Variants in GTF2H5 observed in about 807,000 individuals in gnomAD.
GTF2H5 encodes TFB5 ortholog.
In GTF2H5, 5 loss-of-function variants were observed where a neutral mutation model predicts 7.1. The ratio of observed to expected loss-of-function variants is 0.71; its 90% CI spans 0.37 to 1.49. The LOEUF (loss-of-function observed/expected upper bound fraction) is 1.49. Among genes scored for constraint, GTF2H5 ranks in the 40% most tolerant of loss-of-function variants. GTF2H5 has a pLI of 0.03. For synonymous variants in GTF2H5, 30 were observed against 31.7 expected (o/e 0.95, Z 0.18); for missense variants, 80 against 83.0 (o/e 0.96, Z 0.14).
In GTF2H5 at chr6:158,188,757, C is replaced by G. The variant is rs79868912; in HGVS notation, c.36-3220C>G. Among the ~76,000 whole-genome samples, 1,156 of 152,282 alleles carry G rather than the reference C, an allele frequency of 7.6e-3. 16 individuals carry two copies. The highest frequency in any genetic ancestry group is 0.026 in the African/African-American group (1,087 of 41,556). On this transcript the variant is annotated intron_variant, in intron 2 of 2. Coordinates refer to ENST00000607778, the MANE Select transcript of GTF2H5 (RefSeq NM_207118.3). ...GTTTGTAAAATACCCCATTCATCCT[C>G]CTGTCACCAGCTGTTGTTGCCATTC...
At chr6:158,175,445 C>T (rs114558306) in intron 2 of GTF2H5, among the ~76,000 whole-genome samples, 410 of 152,298 alleles carry the variant, frequency 2.7e-3, no homozygotes, top group African/African-American at 9.3e-3. Context: ...TCCTTTAACA[C>T]AATAACTCCG....
At chr6:158,169,765 T>A (rs1583626157) in intron 1 of GTF2H5, among the ~76,000 whole-genome samples, 3 of 84,488 alleles carry the variant, frequency 3.6e-5, no homozygotes, top group African/African-American at 1.3e-4. Flanking sequence ...TATTGTATAT[T>A]ATATATAATA....
At chr6:158,169,570 T>TTGTATATTACATATAA (rs1562468670) in intron 1 of GTF2H5, among the ~76,000 whole-genome samples, 2,416 of 62,266 alleles carry the variant, frequency 0.039, 455 homozygotes, top group African/African-American at 0.075. Context: ...ATATAATATA[T>TTGTATATTACATATAA]TGTATATTAT....
intron 2 of GTF2H5, among the ~76,000 whole-genome samples, chr6:158,190,454 A>G (rs543086866): frequency 7.4e-4 from 112 of 152,178 alleles, no homozygotes; most frequent in African/African-American, 2.6e-3. Context: ...ATGTCACCTC[A>G]TGGGTCCCCT....
At chr6:158,172,920 G>C (rs1217744095) in intron 2 of GTF2H5, among the ~76,000 whole-genome samples, 1 of 152,190 alleles carries the variant, frequency 6.6e-6, no homozygotes, top group East Asian at 1.9e-4. Context: ...TGAAGTCTCA[G>C]TGCCCGGTTT....
chr6:158,192,298 G>C lies in GTF2H5; in HGVS notation c.*141G>C. On this transcript the variant is annotated 3_prime_UTR_variant, in exon 3 of 3. Coordinates refer to ENST00000607778, the MANE Select transcript of GTF2H5 (RefSeq NM_207118.3). ...AAAGACTGAGGGATCATGATCATTT[G>C]TTCAGAAAAAAAGCCCCTGAACTGA... The C allele has an allele frequency of 1.5e-6, 1 of 654,304 alleles. No homozygotes were observed. The highest frequency in any genetic ancestry group is 2.5e-5 in the Admixed American group (1 of 39,858). 40.5% of individuals were successfully genotyped at this position (654,304 alleles called of 1,614,324 possible). A position where few individuals can be genotyped will look rare whatever the true frequency, so the allele number is the denominator to read the frequency against.
At chr6:158,181,990 C>G (rs1251103720) in intron 2 of GTF2H5, among the ~76,000 whole-genome samples, 1 of 152,160 alleles carries the variant, frequency 6.6e-6, no homozygotes, top group African/African-American at 2.4e-5. Flanking sequence ...TACAATTTGG[C>G]ATGTTTTTGC....
intron 1 of GTF2H5, among the ~76,000 whole-genome samples, chr6:158,169,448 ATATATTATATATATTATATTG>A (rs1469208011): frequency 1.3e-4 from 9 of 66,864 alleles, no homozygotes; most frequent in Non-Finnish European, 1.6e-4. Flanking sequence ...TATATATATT[ATATATTATATATATTATATTG>A]TATATTATAT....
At chr6:158,187,801 C>T (rs1414476096) in intron 2 of GTF2H5, among the ~76,000 whole-genome samples, 1 of 151,818 alleles carries the variant, frequency 6.6e-6, no homozygotes, top group Non-Finnish European at 1.5e-5. Flanking sequence ...TTCCTGACCT[C>T]GTGATCCGCC....
intron 2 of GTF2H5, chr6:158,191,068 A>G (rs1777018272): frequency 2.8e-6 from 1 of 362,512 alleles, no homozygotes; most frequent in African/African-American, 2.2e-5. Flanking sequence ...TGTCCTTGAC[A>G]TTATCTCCTT....
intron 2 of GTF2H5, among the ~76,000 whole-genome samples, chr6:158,185,263 C>G (rs1191010896): frequency 1.3e-5 from 2 of 151,808 alleles, no homozygotes; most frequent in Non-Finnish European, 2.9e-5. Flanking sequence ...TGAGGCATGC[C>G]AGACACGGTG....
intron 2 of GTF2H5, among the ~76,000 whole-genome samples, chr6:158,177,047 T>A (rs931377814): frequency 6.6e-6 from 1 of 152,242 alleles, no homozygotes; most frequent in Admixed American, 6.5e-5. Context: ...ATGGCCATCA[T>A]GAACATGTCA....
intron 1 of GTF2H5, among the ~76,000 whole-genome samples, chr6:158,169,397 T>TGTATATTATATATTATATATAATATG (rs1379960506): frequency 3.9e-5 from 3 of 77,636 alleles, no homozygotes; most frequent in East Asian, 5.7e-4. Flanking sequence ...ATATATAATA[T>TGTATATTATATATTATATATAATATG]TATATTGTAT....
chr6:158,179,503 CCT>C (rs1222103893), intron 2 of GTF2H5, among the ~76,000 whole-genome samples: 1 of 151,974 alleles, frequency 6.6e-6, no homozygotes, highest in Admixed American at 6.6e-5. Context: ...CCCTTTGTGT[CCT>C]CTCTTATTTC....
rs1777157400 is a variant in GTF2H5 at position 158,199,223 on chromosome 6, A to G, written c.*7066A>G. 1 of 151,178 alleles carries G rather than the reference A, an allele frequency of 6.6e-6. No individual in the cohort carries two copies. The highest frequency in any genetic ancestry group is 2.1e-4 in the South Asian group (1 of 4,830). 9.4% of individuals were successfully genotyped at this position (151,178 alleles called of 1,614,324 possible). A position where few individuals can be genotyped will look rare whatever the true frequency, so the allele number is the denominator to read the frequency against. On this transcript the variant is annotated 3_prime_UTR_variant, in exon 3 of 3. Coordinates refer to ENST00000607778, the MANE Select transcript of GTF2H5 (RefSeq NM_207118.3). ...CTTTAAAATTACTCCGTTTAAGTAC[A>G]GTGTTCACTCTTTGGGTAATGTGTA...
intron 1 of GTF2H5, among the ~76,000 whole-genome samples, chr6:158,169,103 G>A (rs1333568932): frequency 2.7e-5 from 4 of 150,670 alleles, no homozygotes; most frequent in African/African-American, 4.9e-5. Context: ...GCGTGGTGGC[G>A]GGCGCCTGTA....
intron 2 of GTF2H5, among the ~76,000 whole-genome samples, chr6:158,178,040 T>C (rs1785956366): frequency 6.6e-6 from 1 of 152,210 alleles, no homozygotes; most frequent in Non-Finnish European, 1.5e-5. Context: ...TACATGTGCA[T>C]GTGTCTTTAT....
rs1554266949 is a variant in GTF2H5 at position 158,169,448 on chromosome 6, A to ATACTG, written c.-34-1020_-34-1019insCTGTA. On this transcript the variant is annotated intron_variant, in intron 1 of 2. Coordinates refer to ENST00000607778, the MANE Select transcript of GTF2H5 (RefSeq NM_207118.3). ...TAATATATTGTATATTATATATATT[A>ATACTG]TATATTATATATATTATATTGTATA... Among the ~76,000 whole-genome samples, 9 of 66,838 alleles carry ATACTG rather than the reference A, an allele frequency of 1.3e-4. 1 individual carries two copies. Among genetic ancestry groups the ATACTG allele is most frequent in the African/African-American group, 6.3e-4 (8 of 12,716 alleles). 43.8% of individuals were successfully genotyped at this position (66,838 alleles called of 152,430 possible). A position where few individuals can be genotyped will look rare whatever the true frequency, so the allele number is the denominator to read the frequency against.
chr6:158,186,868 A>G (rs1312966320), intron 2 of GTF2H5, among the ~76,000 whole-genome samples: 1 of 152,254 alleles, frequency 6.6e-6, no homozygotes, highest in Non-Finnish European at 1.5e-5. Flanking sequence ...CCTGGAATCA[A>G]TAGAAAGGAA....
Sources: gnomAD v4.1 joint callset for allele counts (sites outside exome capture counted in the v4.1 genomes callset) on GRCh38, gnomAD v4.1.1 for gene constraint, MANE v1.5 for transcripts, NCBI Gene and HGNC (gene_info 2026-07-23, HGNC 2026-07-21) for gene names.